TRMT10A: variants seen among roughly 807,000 people sequenced by gnomAD.
TRMT10A encodes tRNA methyltransferase 10A.
In TRMT10A, 37 loss-of-function variants were observed where a neutral mutation model predicts 40.4. That is an observed-to-expected ratio of 0.92 (90% CI 0.71 to 1.21). TRMT10A has a LOEUF of 1.21. Ranked by LOEUF, TRMT10A falls within the 50% of genes most tolerant of loss-of-function variation. The probability of loss-of-function intolerance (pLI) is 0.00; values close to 1 mark genes in which losing one functional copy is unlikely to be tolerated. For synonymous variants in TRMT10A, 103 were observed against 134.1 expected, an observed-to-expected ratio of 0.77 and a Z score of 1.60; for missense variants, 388 against 404.3, an observed-to-expected ratio of 0.96 and a Z score of 0.35.
intron 6 of TRMT10A, among the ~76,000 whole-genome samples, chr4:99,551,720 G>A (rs758667013): frequency 3.8e-4 from 57 of 151,876 alleles, no homozygotes; most frequent in Non-Finnish European, 6.6e-4. Context: ...TCCTTCAGGA[G>A]ATATTCCAGA....
In TRMT10A at chr4:99,558,119, C is replaced by T. The variant is rs543833042; in HGVS notation, c.278G>A (p.Arg93Gln). The T allele has an allele frequency of 1.1e-5, 17 of 1,612,850 alleles. No individual in the cohort carries two copies. The South Asian group carries it at 1.1e-4, about 10-fold the overall frequency. The change falls in exon 3 of 8, where the codon CGA becomes CAA. Residue 93 changes from arginine (R) to glutamine (Q), a missense_variant. Arg to Gln is a conservative substitution (Grantham distance 43). Transcript: ENST00000394876. ...AAGGGTGCTATGAACAACATCTCTT[C>T]GAACACGTTTTCTGTCATGTCCATC... ...NSDGHDRKRVRRDVVHSTLRL... is the reference protein window; with the variant it reads ...NSDGHDRKRVQRDVVHSTLRL...
chr4:99,557,277 T>C, intron 4 of TRMT10A, 68 bp downstream of exon 4: 1 of 1,461,688 alleles, frequency 6.8e-7, no homozygotes, highest in Non-Finnish European at 9.4e-7. Context: ...CTATAGGAAT[T>C]ATCTATGTCT....
intron 5 of TRMT10A, 82 bp downstream of exon 5, chr4:99,556,064 T>C: frequency 8.0e-7 from 1 of 1,253,058 alleles, no homozygotes. Context: ...AGTAGCATTA[T>C]ATAGAATTTA....
At chr4:99,562,824 CTTTCTTG>C (rs1354277241) in intron 1 of TRMT10A, among the ~76,000 whole-genome samples, 3 of 148,268 alleles carry the variant, frequency 2.0e-5, no homozygotes, top group African/African-American at 7.5e-5. Flanking sequence ...TGCGCCCGGC[CTTTCTTG>C]TTTGTTTGAG....
In TRMT10A at chr4:99,550,943, C is replaced by G. The variant is rs755903549; in HGVS notation, c.693G>C (p.Gln231His). 2 of 1,613,190 alleles carry G rather than the reference C, an allele frequency of 1.2e-6. No homozygotes were observed. The highest frequency in any genetic ancestry group is 1.7e-6 in the Non-Finnish European group (2 of 1,179,590). The change falls in exon 7 of 8, where the codon CAG becomes CAC. Residue 231 changes from glutamine (Q) to histidine (H), a missense_variant. Gln to His is a conservative substitution (Grantham distance 24, BLOSUM62 0). Transcript: ENST00000394876. ...TCTTCACAAAATTTCCAAGTGGGAG[C>G]TGTGCATGATTGATTCCATAATCTG... The part of the protein sequence containing the change: ...QASDYGINHA[Q>H]LPLGNFVKMN...
chr4:99,559,212 G>T lies in TRMT10A; in HGVS notation c.127C>A (p.Arg43=). 1 of 1,613,136 alleles carries T rather than the reference G, an allele frequency of 6.2e-7. No homozygotes were observed. Among genetic ancestry groups the T allele is most frequent in the Non-Finnish European group, 8.5e-7 (1 of 1,179,428 alleles). ...LGEGCEPISK[R]QMKKLIKQKQ... ...TGTTTTATTAGTTTTTTCATTTGTC[G>T]TTTAGATATTGGTTCACACCCTTCA... Residue 43 remains arginine, a synonymous_variant, in exon 2 of 8, where the codon CGA becomes AGA. Transcript: ENST00000394876.
chr4:99,558,341 C>G, intron 2 of TRMT10A, 130 bp from the exon 3 acceptor site: 1 of 805,150 alleles, frequency 1.2e-6, no homozygotes, highest in Non-Finnish European at 1.9e-6. Flanking sequence ...TGTGACCATT[C>G]AAAAATGGTC....
At position 99,557,414 on chromosome 4, in the gene TRMT10A, GTCCTA is replaced by G; in HGVS notation, c.349-3_350del. 6.2e-7 allele frequency: 1 copy of G among 1,612,916 alleles called. No individual in the cohort carries two copies. The highest frequency in any genetic ancestry group is 8.5e-7 in the Non-Finnish European group (1 of 1,179,330). ...GAATCTGCTTATGAAGTTTCTTAAT[GTCCTA>G]TCACAGAGTTCAATTTTTAAAGCAA... On this transcript the variant is annotated splice_acceptor_variant and splice_polypyrimidine_tract_variant and coding_sequence_variant and intron_variant, in exon 4 of 8. Coordinates refer to ENST00000394876, the MANE Select transcript of TRMT10A (RefSeq NM_001134665.3). LOFTEE classifies it high-confidence loss of function.
At position 99,561,008 on chromosome 4, in the gene TRMT10A, T is replaced by C. The variant is rs368540034; in HGVS notation, c.-23-1647A>G. Among the ~76,000 whole-genome samples the C allele has an allele frequency of 4.0e-5, 6 of 151,584 alleles. No homozygotes were observed. In the East Asian group the frequency reaches 9.7e-4, roughly 25 times the overall value. On this transcript the variant is annotated intron_variant, in intron 1 of 7. Transcript: ENST00000394876. ...CTCTGTCACCCAGGCTGGAGTGCAG[T>C]GGCGCGATCTCCGTTCACTGCAACC...
rs899563656 is a variant in TRMT10A at position 99,563,917 on chromosome 4, C to T, written c.-28G>A. The T allele has an allele frequency of 1.3e-6, 1 of 778,852 alleles. No homozygotes were observed. The highest frequency in any genetic ancestry group is 1.7e-5 in the African/African-American group (1 of 58,484). The allele number at this position is 778,852 out of a possible 1,614,324, so 48.2% of individuals were successfully genotyped here. The stretch of plus-strand genomic sequence containing the variant: ...AACCAGTGCCAGGACACTTACCGAG[C>T]TGAAGAGTTGACAGGGAAGTGAAAT... On this transcript the variant is annotated 5_prime_UTR_variant, in exon 1 of 8. Coordinates refer to ENST00000394876, the MANE Select transcript of TRMT10A (RefSeq NM_001134665.3).
chr4:99,557,614 G>A (rs1443844952), intron 3 of TRMT10A, 198 bp from the exon 4 acceptor site: 8 of 487,866 alleles, frequency 1.6e-5, no homozygotes, highest in Non-Finnish European at 2.9e-5. Context: ...CTCTGTAAGT[G>A]ACCCATTATT....
rs1723839839 is a variant in TRMT10A, at chr4:99,548,817, T to C, written c.*271A>G. 3.4e-6 allele frequency: 1 copy of C among 298,004 alleles called. No individual in the cohort carries two copies. Among genetic ancestry groups the C allele is most frequent in the Non-Finnish European group, 6.1e-6 (1 of 163,620 alleles). The allele number at this position is 298,004 out of a possible 1,614,324, so 18.5% of individuals were successfully genotyped here. On this transcript the variant is annotated 3_prime_UTR_variant, in exon 8 of 8. Transcript: ENST00000394876. ...ATGAAAGAAAATGAAAATATACTAA[T>C]ACAGTAAAATTATCTAGAAACTACT...
intron 6 of TRMT10A, 35 bp from the exon 7 acceptor site, chr4:99,551,025 T>C (rs562063374): frequency 1.4e-6 from 2 of 1,402,844 alleles, no homozygotes; most frequent in African/African-American, 2.9e-5. Flanking sequence ...GACAAGAACA[T>C]TAAATTATTT....
At chr4:99,561,474 C>G (rs1480344186) in intron 1 of TRMT10A, among the ~76,000 whole-genome samples, 1 of 150,710 alleles carries the variant, frequency 6.6e-6, no homozygotes, top group Non-Finnish European at 1.5e-5. Context: ...AAAACTATTC[C>G]TAACTAAGAA....
At position 99,559,139 on chromosome 4, in the gene TRMT10A, T is replaced by A. The variant is rs1212339256; in HGVS notation, c.185+15A>T. 6.2e-7 allele frequency: 1 copy of A among 1,608,048 alleles called. No homozygotes were observed. The highest frequency in any genetic ancestry group is 8.5e-7 in the Non-Finnish European group (1 of 1,176,428). On this transcript the variant is annotated intron_variant, in intron 2 of 7. Transcript: ENST00000394876. ...TCTAAATAGGAAGAGAGCATATACA[T>A]TTTGAAACACATACTTGCGGAGTTC...
intron 1 of TRMT10A, among the ~76,000 whole-genome samples, chr4:99,562,667 A>C (rs1724480935): frequency 1.4e-5 from 2 of 143,548 alleles, no homozygotes; most frequent in Admixed American, 1.4e-4. Flanking sequence ...CTGGGACTAC[A>C]GGTGCGCGCT....
At chr4:99,560,596 C>T (rs1266793588) in intron 1 of TRMT10A, among the ~76,000 whole-genome samples, 1 of 151,856 alleles carries the variant, frequency 6.6e-6, no homozygotes, top group Non-Finnish European at 1.5e-5. Context: ...TAAAAAAAAT[C>T]TAGAAAGTAA....
At position 99,553,859 on chromosome 4, in the gene TRMT10A, G is replaced by C; in HGVS notation, c.571C>G (p.Pro191Ala). The C allele has an allele frequency of 6.2e-7, 1 of 1,613,240 alleles. No individual in the cohort carries two copies. The highest frequency in any genetic ancestry group is 1.1e-5 in the South Asian group (1 of 91,062). The change falls in exon 6 of 8, where the codon CCT (proline) becomes GCT (alanine). Residue 191 changes from proline (P) to alanine (A), a missense_variant. Coordinates refer to ENST00000394876, the MANE Select transcript of TRMT10A (RefSeq NM_001134665.3). ...TCATCTAATTCCTTCAGTATATTAG[G>C]TGAATCTGACGTAAGGTAAATCAGG... ...EDLIYLTSDS[P>A]NILKELDESK... is the part of the protein sequence containing the mutation.
chr4:99,550,608 TA>T (rs1261770730), intron 7 of TRMT10A, among the ~76,000 whole-genome samples: 1 of 152,046 alleles, frequency 6.6e-6, no homozygotes, highest in Admixed American at 6.6e-5. Flanking sequence ...TAATAAATAA[TA>T]ATATATATAC....
Sources: allele counts gnomAD v4.1 joint callset (sites outside exome capture counted in the v4.1 genomes callset), GRCh38; gene constraint gnomAD v4.1.1; transcripts MANE v1.5; gene names NCBI Gene and HGNC (gene_info 2026-07-23, HGNC 2026-07-21).